Variants in C12orf42 observed in about 807,000 individuals in gnomAD.
C12orf42 encodes uncharacterized protein C12orf42.
Under a neutral mutation model 21.6 loss-of-function variants are expected in C12orf42, and 25 were observed. The observed-to-expected ratio is 1.16, with a 90% CI of 0.84 to 1.62. The LOEUF is 1.62. Among genes scored for constraint, C12orf42 ranks in the 40% most tolerant of loss-of-function variants. The pLI is 0.00. For missense variants in C12orf42, 483 were observed against 459.3 expected (o/e 1.05, Z -0.47); for synonymous variants, 174 against 175.0 (o/e 0.99, Z 0.05).
the C12orf42 span, among the ~76,000 whole-genome samples, chr12:103,078,074 T>A: frequency 6.6e-6 from 1 of 152,228 alleles, no homozygotes; most frequent in Admixed American, 6.5e-5. Context: ...CCCTAGATGA[T>A]TGACTTTACC....
At chr12:103,390,579 T>C (rs2046989868) in intron 3 of C12orf42, among the ~76,000 whole-genome samples, 1 of 152,188 alleles carries the variant, frequency 6.6e-6, no homozygotes, top group Non-Finnish European at 1.5e-5. Context: ...ATAGGATATA[T>C]ATAGATAAGT....
chr12:103,252,039 G>A (rs1291611060), intron 10 of C12orf42, among the ~76,000 whole-genome samples: 1 of 152,106 alleles, frequency 6.6e-6, no homozygotes, highest in Non-Finnish European at 1.5e-5. Flanking sequence ...TGCCATGGTG[G>A]TTTGCTGCAC....
At chr12:103,206,521 T>TACACACACACAC in the C12orf42 span, among the ~76,000 whole-genome samples, 2 of 148,610 alleles carry the variant, frequency 1.3e-5, no homozygotes, top group African/African-American at 4.9e-5. Context: ...TTTTCTATAT[T>TACACACACACAC]ACACACACAC....
chr12:103,150,862 G>T, the C12orf42 span, among the ~76,000 whole-genome samples: 1 of 152,076 alleles, frequency 6.6e-6, no homozygotes, highest in Non-Finnish European at 1.5e-5. Context: ...TCACCATTTT[G>T]CTCAAGAAAA....
chr12:103,113,554 T>C, the C12orf42 span, among the ~76,000 whole-genome samples: 1 of 152,258 alleles, frequency 6.6e-6, no homozygotes, highest in South Asian at 2.1e-4. Flanking sequence ...CTGGAGACAT[T>C]TTGGGTTGTT....
chr12:103,052,542 A>C, the C12orf42 span, among the ~76,000 whole-genome samples: 1 of 152,032 alleles, frequency 6.6e-6, no homozygotes, highest in Admixed American at 6.6e-5. Context: ...ATTCTGATTC[A>C]AAGGAGTTAT....
intron 3 of C12orf42, among the ~76,000 whole-genome samples, chr12:103,401,178 G>C (rs956789743): frequency 1.3e-5 from 2 of 152,060 alleles, no homozygotes; most frequent in Non-Finnish European, 2.9e-5. Context: ...CCAATTAGTA[G>C]AAGGTGGTAC....
At chr12:103,402,983 T>C (rs191189427) in intron 2 of C12orf42, among the ~76,000 whole-genome samples, 9 of 152,272 alleles carry the variant, frequency 5.9e-5, no homozygotes, top group Admixed American at 5.2e-4. Flanking sequence ...GGGACCCCCA[T>C]TATGTCCTCT....
chr12:103,553,508 C>T, the C12orf42 span, among the ~76,000 whole-genome samples: 14 of 152,134 alleles, frequency 9.2e-5, no homozygotes, highest in African/African-American at 1.2e-4. Context: ...TTCAAAGAGA[C>T]CATGAAATCT....
At chr12:103,156,657 G>T in the C12orf42 span, among the ~76,000 whole-genome samples, 1 of 152,054 alleles carries the variant, frequency 6.6e-6, no homozygotes, top group Admixed American at 6.6e-5. Context: ...GCCCTTGTGT[G>T]TGTTGTTTCT....
At chr12:103,450,340 T>C (rs1951860144) in intron 2 of C12orf42, among the ~76,000 whole-genome samples, 1 of 152,142 alleles carries the variant, frequency 6.6e-6, no homozygotes, top group African/African-American at 2.4e-5. Context: ...ATGTACTAAT[T>C]GATTTTCTAA....
At chr12:103,162,732 A>T in the C12orf42 span, 1 of 152,094 alleles carries the variant, frequency 6.6e-6, no homozygotes, top group African/African-American at 2.4e-5. Flanking sequence ...TGAAATAAAA[A>T]CTCAAAGCCC....
chr12:103,365,146 C>A (rs983264753), intron 4 of C12orf42, among the ~76,000 whole-genome samples: 3 of 152,020 alleles, frequency 2.0e-5, no homozygotes, highest in African/African-American at 7.2e-5. Context: ...GTGTTTCATA[C>A]CAGGGATGTA....
At chr12:103,225,703 TA>T in the C12orf42 span, among the ~76,000 whole-genome samples, 22 of 151,220 alleles carry the variant, frequency 1.5e-4, no homozygotes, top group African/African-American at 5.1e-4. Flanking sequence ...CTTAAAAGAG[TA>T]TTGTCTAAGT....
the C12orf42 span, among the ~76,000 whole-genome samples, chr12:103,123,057 A>C: frequency 1.6e-4 from 24 of 152,176 alleles, no homozygotes; most frequent in Admixed American, 1.6e-3. Context: ...TAAATTCTGG[A>C]TATATTTAAT....
At chr12:103,534,927 C>A in the C12orf42 span, among the ~76,000 whole-genome samples, 3 of 152,198 alleles carry the variant, frequency 2.0e-5, no homozygotes, top group African/African-American at 7.2e-5. Flanking sequence ...GATTCAGGTT[C>A]TCTAAGCTCG....
chr12:103,106,103 C>T, the C12orf42 span, among the ~76,000 whole-genome samples: 3 of 152,066 alleles, frequency 2.0e-5, no homozygotes, highest in Admixed American at 6.5e-5. Context: ...TTATTTTTAC[C>T]TCATCATGAG....
chr12:103,475,740 T>C (rs1457917860), intron 2 of C12orf42, among the ~76,000 whole-genome samples: 2 of 152,228 alleles, frequency 1.3e-5, no homozygotes, highest in Non-Finnish European at 2.9e-5. Context: ...ACAAGAGTCC[T>C]TGGTTCAACA....
the C12orf42 span, among the ~76,000 whole-genome samples, chr12:103,183,105 G>A: frequency 2.0e-5 from 3 of 152,074 alleles, no homozygotes; most frequent in Non-Finnish European, 2.9e-5. Flanking sequence ...ATTTTAAGAC[G>A]GAATCTCTTC....
Sources: gnomAD v4.1 joint callset for allele counts (sites outside exome capture counted in the v4.1 genomes callset) on GRCh38, gnomAD v4.1.1 for gene constraint, MANE v1.5 for transcripts, NCBI Gene and HGNC (gene_info 2026-07-23, HGNC 2026-07-21) for gene names.